The following MUC12 variants were observed in gnomAD, a reference collection of about 807,000 sequenced individuals.
MUC12 encodes mucin 12, cell surface associated, also known as mucin-12.
A neutral mutation model predicts 230.8 loss-of-function variants in MUC12; 172 were observed. The observed-to-expected ratio is 0.75, with a 90% CI of 0.66 to 0.85. MUC12 has a LOEUF of 0.85. Ranked by LOEUF, MUC12 falls within the 40% of genes least tolerant of loss-of-function variation. MUC12 has a pLI of 0.00. For missense variants in MUC12, 3,506 were observed against 5,920.6 expected, an observed-to-expected ratio of 0.59 and a Z score of 13.38; for synonymous variants, 1,259 against 2,401.9, an observed-to-expected ratio of 0.52 and a Z score of 13.91.
At chr7:101,010,221 T>G (rs895419952) in intron 5 of MUC12, among the ~76,000 whole-genome samples, 3 of 150,652 alleles carry the variant, frequency 2.0e-5, no homozygotes, top group South Asian at 2.1e-4. Flanking sequence ...TCATGAGGGG[T>G]AGAATGGGGG....
chr7:100,971,768 A>G (rs1333522930), intron 1 of MUC12, among the ~76,000 whole-genome samples: 4 of 152,308 alleles, frequency 2.6e-5, no homozygotes, highest in South Asian at 2.1e-4. Context: ...CCCTGCTCCC[A>G]AGGCCTGGCC....
In MUC12 at chr7:100,990,977, C is replaced by T. The variant is rs772738150; in HGVS notation, c.414C>T (p.Thr138=). The stretch of plus-strand genomic sequence containing the variant: ...CAGCAGGCCTGAGTGAGAAATCTAC[C>T]ACCTTCTACAGTAGCCCCAGATCAC... ...TTTAGLSEKS[T]TFYSSPRSPD... is the part of the protein sequence containing the mutation. The change falls in exon 2 of 12, where the codon ACC becomes ACT. Residue 138 remains threonine (T), a synonymous_variant. Coordinates refer to ENST00000536621, the MANE Select transcript of MUC12 (RefSeq NM_001164462.2). The T allele has an allele frequency of 3.8e-5, 58 of 1,537,722 alleles. No individual in the cohort carries two copies. The highest frequency in any genetic ancestry group is 4.6e-5 in the Non-Finnish European group (53 of 1,147,062).
intron 1 of MUC12, among the ~76,000 whole-genome samples, chr7:100,971,142 G>A (rs1463628847): frequency 8.5e-5 from 7 of 82,516 alleles, no homozygotes; most frequent in African/African-American, 1.6e-4. Flanking sequence ...GCAACAGAGC[G>A]AGACTCTCTC....
chr7:101,001,195 T>A lies in MUC12; in HGVS notation c.10632T>A (p.Ser3544Arg), dbSNP rs1347203722. Residue 3544 changes from serine (S) to arginine (R), a missense_variant, in exon 2 of 12, where the codon AGT becomes AGA. Transcript: ENST00000536621. ...LPASTTTSGS[S>R]QESTTSHSSS... Reference sequence around the variant, plus strand: ...CCAGCACCACCACCTCAGGCTCCAGTCAGGAATCAACAACTTCCCACAGCA... The same window carrying A: ...CCAGCACCACCACCTCAGGCTCCAGACAGGAATCAACAACTTCCCACAGCA... 1.1e-6 allele frequency: 1 copy of A among 937,892 alleles called. No homozygotes were observed. Among genetic ancestry groups the A allele is most frequent in the Non-Finnish European group, 1.5e-6 (1 of 681,984 alleles). 58.1% of individuals were successfully genotyped at this position (937,892 alleles called of 1,614,324 possible).
intron 1 of MUC12, among the ~76,000 whole-genome samples, chr7:100,977,109 CAGTTGGAGG>C (rs1793044950): frequency 7.0e-6 from 1 of 143,014 alleles, no homozygotes; most frequent in Non-Finnish European, 1.5e-5. Flanking sequence ...ACCCATTCAT[CAGTTGGAGG>C]AGTCAGGATT....
At chr7:100,983,731 T>TC (rs1407566582) in intron 1 of MUC12, among the ~76,000 whole-genome samples, 2 of 152,134 alleles carry the variant, frequency 1.3e-5, no homozygotes, top group Admixed American at 6.6e-5. Flanking sequence ...ATGCCAGCTC[T>TC]CCCCACCCCT....
At chr7:100,990,531 C>T (rs1793263492) in intron 1 of MUC12, 100 bp from the exon 2 acceptor site, 1 of 1,389,430 alleles carries the variant, frequency 7.2e-7, no homozygotes, top group African/African-American at 1.4e-5. Flanking sequence ...ATGGGCTGAC[C>T]AGGTGTCTTC....
intron 1 of MUC12, among the ~76,000 whole-genome samples, chr7:100,976,253 G>C (rs1466301857): frequency 7.9e-5 from 12 of 151,950 alleles, no homozygotes; most frequent in African/African-American, 2.9e-4. Context: ...AACCCAGCCT[G>C]GGTGACAGAG....
In MUC12 at chr7:100,992,303, C is replaced by A; in HGVS notation, c.1740C>A (p.Phe580Leu). The change falls in exon 2 of 12, where the codon TTC (phenylalanine) becomes TTA (leucine). Residue 580 changes from phenylalanine (F) to leucine (L), a missense_variant. Physicochemically the swap from Phe to Leu is conservative, Grantham distance 22. Coordinates refer to ENST00000536621, the MANE Select transcript of MUC12 (RefSeq NM_001164462.2). ...CCCTTGGTCCAGAATATACTACCTT[C>A]CACAGCCGCCCAGGCTCCACTGAAA... ...ASSLGPEYTT[F>L]HSRPGSTETT... is the part of the protein sequence containing the mutation. 1 of 1,536,878 alleles carries A rather than the reference C, an allele frequency of 6.5e-7. No individual in the cohort carries two copies. The highest frequency in any genetic ancestry group is 8.7e-7 in the Non-Finnish European group (1 of 1,146,176).
At chr7:101,018,538 G>T (rs1257382454) in intron 11 of MUC12, 57 bp from the exon 12 acceptor site, 2 of 1,524,574 alleles carry the variant, frequency 1.3e-6, no homozygotes, top group Non-Finnish European at 1.8e-6. Context: ...TTCCTCCTGG[G>T]GCTCCCCCTT....
chr7:101,016,139 A>G (rs1793913472), intron 10 of MUC12, among the ~76,000 whole-genome samples: 1 of 151,998 alleles, frequency 6.6e-6, no homozygotes, highest in Admixed American at 6.5e-5. Flanking sequence ...CAGTGAGGAC[A>G]AGGGAAAGGG....
Position 100,991,171 on chromosome 7 carries a change from C to A in MUC12, c.608C>A (p.Thr203Lys). 6.5e-7 allele frequency: 1 copy of A among 1,537,700 alleles called. No homozygotes were observed. The highest frequency in any genetic ancestry group is 8.7e-7 in the Non-Finnish European group (1 of 1,146,880). The change falls in exon 2 of 12, where the codon ACA (threonine) becomes AAA (lysine). Residue 203 changes from threonine (T) to lysine (K), a missense_variant. Transcript: ENST00000536621. ...GCTTCCCACAGCATCCCCGGCTCCA[C>A]AGACACAACACTGTCCCCTGGCACT... ...STASHSIPGSTDTTLSPGTTT... is the reference protein window; with the variant it reads ...STASHSIPGSKDTTLSPGTTT...
rs1438300327 is a variant in MUC12 at position 100,991,817 on chromosome 7, A to G, written c.1254A>G (p.Ser418=). 2 of 1,537,954 alleles carry G rather than the reference A, an allele frequency of 1.3e-6. No individual in the cohort carries two copies. Among genetic ancestry groups the G allele is most frequent in the African/African-American group, 2.7e-5 (2 of 73,162 alleles). The change falls in exon 2 of 12, where the codon TCA becomes TCG. Residue 418 remains serine, a synonymous_variant. Coordinates refer to ENST00000536621, the MANE Select transcript of MUC12 (RefSeq NM_001164462.2). ...CAAGCTACCACAGCAGCCTGGGCTC[A>G]ACTGAAACAACACACTTCCGTGATA... is the stretch of plus-strand genomic sequence containing the variant. The part of the protein sequence containing the change: ...AHTSYHSSLG[S]TETTHFRDSS...
At chr7:101,007,453 A>T (rs1010478870) in intron 3 of MUC12, among the ~76,000 whole-genome samples, 3 of 152,116 alleles carry the variant, frequency 2.0e-5, no homozygotes, top group African/African-American at 7.2e-5. Context: ...TGCCTCCATT[A>T]GTTCAATTAT....
intron 1 of MUC12, among the ~76,000 whole-genome samples, chr7:100,971,122 C>T (rs1792875204): frequency 1.6e-5 from 2 of 123,584 alleles, no homozygotes; most frequent in South Asian, 5.5e-4. Context: ...CACTGCTGCA[C>T]TCCAGCCTGG....
At chr7:101,017,687 C>A in intron 11 of MUC12, 24 bp downstream of exon 11, 1 of 1,512,692 alleles carries the variant, frequency 6.6e-7, no homozygotes, top group Non-Finnish European at 8.9e-7. Context: ...GAGCTGCCCC[C>A]ACCCCCTGAG....
chr7:100,973,244 C>T (rs1248757572), intron 1 of MUC12, among the ~76,000 whole-genome samples: 1 of 86,350 alleles, frequency 1.2e-5, no homozygotes, highest in Non-Finnish European at 2.6e-5. Context: ...GAAATGGGGG[C>T]TCCACTTGAT....
chr7:100,972,551 G>T (rs1461277585), intron 1 of MUC12, among the ~76,000 whole-genome samples: 1 of 53,282 alleles, frequency 1.9e-5, no homozygotes. Flanking sequence ...CACCCAGGCT[G>T]GAGTGCAGTG....
chr7:100,992,374 C>A lies in MUC12; in HGVS notation c.1811C>A (p.Ala604Glu), dbSNP rs1198219382. ...DNTTASGLLE[A>E]SMPVHSSTRS... Reference sequence around the variant, plus strand: ...ACCACAGCCTCAGGACTCCTTGAAGCATCTATGCCCGTCCACAGCAGCACC... The same window carrying A: ...ACCACAGCCTCAGGACTCCTTGAAGAATCTATGCCCGTCCACAGCAGCACC... Residue 604 changes from alanine to glutamate, a missense_variant, in exon 2 of 12, where the codon GCA becomes GAA. Physicochemically the swap from Ala to Glu is moderately radical, Grantham distance 107. Coordinates refer to ENST00000536621, the MANE Select transcript of MUC12 (RefSeq NM_001164462.2). 3 of 1,536,566 alleles carry A rather than the reference C, an allele frequency of 2.0e-6. No homozygotes were observed. The highest frequency in any genetic ancestry group is 2.7e-5 in the African/African-American group (2 of 73,020).
Sources: gnomAD v4.1 joint callset for allele counts (sites outside exome capture counted in the v4.1 genomes callset) on GRCh38, gnomAD v4.1.1 for gene constraint, MANE v1.5 for transcripts, NCBI Gene and HGNC (gene_info 2026-07-23, HGNC 2026-07-21) for gene names.